RSRP1: variants seen among roughly 807,000 people sequenced by gnomAD.
RSRP1 encodes arginine/serine-rich protein 1.
RSRP1 carries 37 observed loss-of-function variants against 33.0 expected under a neutral mutation model. That is an observed-to-expected ratio of 1.12 (90% CI 0.86 to 1.48). The LOEUF is 1.48. RSRP1 is among the 40% of genes most tolerant of loss of function. The pLI, the probability that RSRP1 is intolerant of heterozygous loss-of-function variation, is 0.00. For missense variants in RSRP1, 402 were observed against 385.3 expected (o/e 1.04, Z -0.36); for synonymous variants, 167 against 158.7 (o/e 1.05, Z -0.40).
Position 25,294,238 on chromosome 1 carries a change from A to T in RSRP1, c.-67+43740T>A, listed in dbSNP as rs1557532510. ...TAGTTGAAATAGCAAAGCCCAGCAA[A>T]GGTTAAAGCTGAAAATGCCAAAAGC... On this transcript the variant is annotated intron_variant, in intron 1 of 1. Transcript: ENST00000561867. 19 of 850,224 alleles carry T rather than the reference A, an allele frequency of 2.2e-5. 3 individuals carry two copies. The highest frequency in any genetic ancestry group is 3.7e-5 in the Admixed American group (2 of 54,442). The allele number at this position is 850,224 out of a possible 1,614,324, so 52.7% of individuals were successfully genotyped here.
intron 1 of RSRP1, chr1:25,284,887 T>A (rs1641831296): frequency 9.3e-7 from 1 of 1,077,234 alleles, no homozygotes; most frequent in Non-Finnish European, 1.4e-6. Flanking sequence ...ATTTAGGACA[T>A]CCTTATACTA....
rs757700094 is a variant in RSRP1 at position 25,290,748 on chromosome 1, C to G, written c.-66-43719G>C. The G allele has an allele frequency of 3.6e-5, 49 of 1,377,270 alleles. 7 individuals are homozygous for G. In the South Asian group the frequency reaches 5.4e-4, roughly 15 times the overall value. The allele number at this position is 1,377,270 out of a possible 1,614,324, so 85.3% of individuals were successfully genotyped here. ...GTGGTGATGGTGCTGGTGGAGGTGA[C>G]AGCTTTAGGCAACCTGAGGATGGTC... On this transcript the variant is annotated intron_variant, in intron 1 of 1. Coordinates refer to the RSRP1 transcript ENST00000561867.
Position 25,290,160 on chromosome 1 carries a change from G to A in RSRP1, c.-66-43131C>T, listed in dbSNP as rs780978942. 2.1e-4 allele frequency among the ~76,000 whole-genome samples: 27 copies of A among 130,114 alleles called. 10 individuals carry two copies. The highest frequency in any genetic ancestry group is 4.3e-4 in the Non-Finnish European group (24 of 55,426). 85.4% of individuals were successfully genotyped at this position (130,114 alleles called of 152,430 possible). On this transcript the variant is annotated intron_variant, in intron 1 of 1. Coordinates refer to the RSRP1 transcript ENST00000561867. ...ATTCCAAATCCAGTTTCTTTCCACT[G>A]CCACGGAGACGGAGAGAAGGGACAG...
At position 25,255,330 on chromosome 1, in the gene RSRP1, G is replaced by A. The variant is rs188404951; in HGVS notation, c.-66-8301C>T. 3.3e-3 allele frequency among the ~76,000 whole-genome samples: 509 copies of A among 152,218 alleles called. 3 individuals carry two copies. Among genetic ancestry groups the A allele is most frequent in the South Asian group, 6.0e-3 (29 of 4,822 alleles). ...CTCTACTTGATCATACTTAATTTTT[G>A]CAACTTTGACTCAACAACCAAATGA... On this transcript the variant is annotated intron_variant, in intron 1 of 1. Transcript: ENST00000561867.
At chr1:25,252,643 CCTGT>C (rs1360082846) in intron 1 of RSRP1, among the ~76,000 whole-genome samples, 1 of 151,860 alleles carries the variant, frequency 6.6e-6, no homozygotes, top group East Asian at 1.9e-4. Context: ...AAGGGATTCT[CCTGT>C]CTGAGTCTCC....
At position 25,260,789 on chromosome 1, in the gene RSRP1, T is replaced by G. The variant is rs569188271; in HGVS notation, c.-66-13760A>C. ...CTGTCCTCTGCTTTTACACTTCTGG[T>G]GTCATCTTCCTTTTTTTTTTTTTTT... On this transcript the variant is annotated intron_variant, in intron 1 of 1. Coordinates refer to the RSRP1 transcript ENST00000561867. 2.8e-4 allele frequency among the ~76,000 whole-genome samples: 43 copies of G among 151,554 alleles called. No individual in the cohort carries two copies. The South Asian group carries it at 8.7e-3, about 31-fold the overall frequency.
At chr1:25,312,920 TAAAAAAAAAAAAAAAAA>T (rs58027687) in intron 1 of RSRP1, among the ~76,000 whole-genome samples, 148 of 6,862 alleles carry the variant, frequency 0.022, 23 homozygotes, top group Middle Eastern at 0.12. Flanking sequence ...ATCCCATCTC[TAAAAAAAAAAAAAAAAA>T]AAAAAAAAAA....
At chr1:25,256,716 T>C (rs903868567) in intron 1 of RSRP1, among the ~76,000 whole-genome samples, 58 of 152,278 alleles carry the variant, frequency 3.8e-4, no homozygotes, top group Non-Finnish European at 7.9e-4. Context: ...CCTCCAGCCT[T>C]GGCCTCCCAG....
At chr1:25,259,742 G>T (rs1327617327) in intron 1 of RSRP1, among the ~76,000 whole-genome samples, 1 of 151,850 alleles carries the variant, frequency 6.6e-6, no homozygotes, top group East Asian at 1.9e-4. Context: ...TTGGCCTCAT[G>T]ATCAGCCTGC....
Position 25,307,753 on chromosome 1 carries a change from G to C in RSRP1, c.-67+30225C>G, listed in dbSNP as rs569782735. The stretch of plus-strand genomic sequence containing the variant: ...TCATGGAGGCGCTGCGGTTCCTACC[G>C]GTTCTTGGATGCCTTCTACAGAGAC... On this transcript the variant is annotated intron_variant, in intron 1 of 1. Transcript: ENST00000561867. 3 of 1,306,904 alleles carry C rather than the reference G, an allele frequency of 2.3e-6. No homozygotes were observed. The East Asian group carries it at 7.4e-5, about 32-fold the overall frequency. 81.0% of individuals were successfully genotyped at this position (1,306,904 alleles called of 1,614,324 possible).
rs1301052762 is a variant in RSRP1, at chr1:25,289,020, G to C, written c.-66-41991C>G. ...GGGCATAGTCTGCAGCAAACACTGG[G>C]GAAGCTGAGTCCAGACTTCAGAGCA... On this transcript the variant is annotated intron_variant, in intron 1 of 1. Transcript: ENST00000561867. Among the ~76,000 whole-genome samples, 4 of 133,684 alleles carry C rather than the reference G, an allele frequency of 3.0e-5. 1 individual carries two copies. The highest frequency in any genetic ancestry group is 1.5e-4 in the Admixed American group (2 of 13,754). 87.7% of individuals were successfully genotyped at this position (133,684 alleles called of 152,430 possible).
At chr1:25,289,914 A>G (rs376081776) in intron 1 of RSRP1, among the ~76,000 whole-genome samples, 2 of 130,422 alleles carry the variant, frequency 1.5e-5, no homozygotes, top group Admixed American at 7.4e-5. Context: ...GGAAGGAATC[A>G]TAATAGCGTT....
At chr1:25,282,974 A>G (rs1430207933) in intron 1 of RSRP1, among the ~76,000 whole-genome samples, 1 of 132,686 alleles carries the variant, frequency 7.5e-6, no homozygotes, top group Non-Finnish European at 1.8e-5. Context: ...CCAAACTTAG[A>G]GACAATATTA....
At chr1:25,243,970 G>A in intron 3 of RSRP1, 2 of 1,144,234 alleles carry the variant, frequency 1.7e-6, no homozygotes, top group Non-Finnish European at 2.2e-6. Flanking sequence ...TGCCAGTTAG[G>A]CACCTAATCG....
upstream of RSRP1, among the ~76,000 whole-genome samples, chr1:25,248,977 C>T (rs1639680143): frequency 6.6e-6 from 1 of 152,114 alleles, no homozygotes; most frequent in Non-Finnish European, 1.5e-5. Context: ...GGCAAAACCC[C>T]ATCTCTACTA....
Position 25,291,116 on chromosome 1 carries a change from C to T in RSRP1, c.-66-44087G>A, listed in dbSNP as rs1366102549. The stretch of plus-strand genomic sequence containing the variant: ...GACCGAGCTGGGCAACATAGCAAGA[C>T]CTCATCTCTAAATAAATAGGTAGGT... On this transcript the variant is annotated intron_variant, in intron 1 of 1. Coordinates refer to the RSRP1 transcript ENST00000561867. 3.1e-5 allele frequency among the ~76,000 whole-genome samples: 4 copies of T among 129,500 alleles called. 1 individual carries two copies. The highest frequency in any genetic ancestry group is 1.1e-4 in the African/African-American group (4 of 37,420). The allele number at this position is 129,500 out of a possible 152,430, so 85.0% of individuals were successfully genotyped here.
chr1:25,276,517 A>C (rs1219867689), intron 1 of RSRP1, among the ~76,000 whole-genome samples: 1 of 91,728 alleles, frequency 1.1e-5, no homozygotes, highest in African/African-American at 4.3e-5. Context: ...ACATAGGGAG[A>C]CCCCCCCCCA....
chr1:25,256,313 CCTGA>C (rs1265626533), intron 1 of RSRP1, among the ~76,000 whole-genome samples: 2 of 152,062 alleles, frequency 1.3e-5, no homozygotes, highest in African/African-American at 4.8e-5. Context: ...CGCCACTACA[CCTGA>C]CTAATTTTTA....
intron 1 of RSRP1, among the ~76,000 whole-genome samples, chr1:25,268,082 A>G (rs1479454293): frequency 7.5e-6 from 1 of 133,836 alleles, no homozygotes; most frequent in African/African-American, 2.5e-5. Flanking sequence ...GCATTCCAGA[A>G]ATGGTAGCTG....
Sources: allele counts gnomAD v4.1 joint callset (sites outside exome capture counted in the v4.1 genomes callset), GRCh38; gene constraint gnomAD v4.1.1; transcripts MANE v1.5; gene names NCBI Gene and HGNC (gene_info 2026-07-23, HGNC 2026-07-21).